The following DSCAM variants were observed in gnomAD, a reference collection of about 807,000 sequenced individuals.
DSCAM encodes the protein DS cell adhesion molecule, also known as cell adhesion molecule DSCAM.
In DSCAM, 47 loss-of-function variants were observed where a neutral mutation model predicts 217.7. The observed-to-expected ratio is 0.22, with a 90% CI of 0.17 to 0.28. The LOEUF (loss-of-function observed/expected upper bound fraction) is 0.28, where lower values mean the gene tolerates loss of function less well. Ranked by LOEUF, DSCAM falls within the 10% of genes least tolerant of loss-of-function variation. The pLI, the probability that DSCAM is intolerant of heterozygous loss-of-function variation, is 1.00. For synonymous variants in DSCAM, 1,056 were observed against 1,015.3 expected, an observed-to-expected ratio of 1.04 and a Z score of -0.76; for missense variants, 2,080 against 2,618.3, an observed-to-expected ratio of 0.79 and a Z score of 4.49.
In DSCAM at chr21:40,408,243, G is replaced by A. The variant is rs182481684; in HGVS notation, c.509-38998C>T. Among the ~76,000 whole-genome samples the A allele has an allele frequency of 2.9e-3, 441 of 152,156 alleles. 1 individual carries two copies. Among genetic ancestry groups the A allele is most frequent in the African/African-American group, 9.6e-3 (399 of 41,512 alleles). The stretch of plus-strand genomic sequence containing the variant: ...AGCATTGACAATTTTCATTGATGAC[G>A]TGGATGATGAGAAAGAAAGAATGGT... On this transcript the variant is annotated intron_variant, in intron 3 of 32. Coordinates refer to ENST00000400454, the MANE Select transcript of DSCAM (RefSeq NM_001389.5).
chr21:40,235,890 AAAG>A (rs1388860857), intron 11 of DSCAM, among the ~76,000 whole-genome samples: 3 of 152,206 alleles, frequency 2.0e-5, no homozygotes, highest in African/African-American at 7.2e-5. Context: ...ACTAAGAAAA[AAAG>A]CTCACTGTTG....
chr21:40,242,022 G>C (rs1245129432), intron 11 of DSCAM, among the ~76,000 whole-genome samples: 1 of 152,078 alleles, frequency 6.6e-6, no homozygotes, highest in East Asian at 1.9e-4. Context: ...AGGAGGGAAA[G>C]GAGCAGAAAA....
intron 3 of DSCAM, among the ~76,000 whole-genome samples, chr21:40,615,991 AAC>A (rs149839230): frequency 9.5e-4 from 143 of 151,124 alleles, no homozygotes; most frequent in African/African-American, 3.1e-3. Flanking sequence ...AATCAAATCA[AAC>A]ACACACACAC....
At chr21:40,125,203 G>A (rs1386601332) in intron 19 of DSCAM, among the ~76,000 whole-genome samples, 2 of 152,164 alleles carry the variant, frequency 1.3e-5, no homozygotes, top group Non-Finnish European at 2.9e-5. Context: ...AGCTAAGAAG[G>A]CAGAACATGG....
intron 1 of DSCAM, among the ~76,000 whole-genome samples, chr21:40,761,089 T>A (rs1431870253): frequency 6.6e-6 from 1 of 152,202 alleles, no homozygotes; most frequent in Non-Finnish European, 1.5e-5. Flanking sequence ...AAAGAGTCAG[T>A]CTGGTATCTG....
At chr21:40,344,141 C>T (rs114791052) in intron 6 of DSCAM, among the ~76,000 whole-genome samples, 2,131 of 152,234 alleles carry the variant, frequency 0.014, 50 homozygotes, top group African/African-American at 0.049. Context: ...TCGAGTGAGC[C>T]GCCTGTCTCG....
intron 3 of DSCAM, among the ~76,000 whole-genome samples, chr21:40,546,166 T>C (rs1055523302): frequency 6.6e-6 from 1 of 152,206 alleles, no homozygotes; most frequent in African/African-American, 2.4e-5. Flanking sequence ...AGGGTTAAGG[T>C]GTAGAGAAGT....
chr21:40,573,262 C>T (rs1198168021), intron 3 of DSCAM, among the ~76,000 whole-genome samples: 2 of 151,956 alleles, frequency 1.3e-5, no homozygotes, highest in African/African-American at 2.4e-5. Context: ...GGCGTGAACC[C>T]GGGAGGTGGA....
chr21:40,157,697 CTTTTTT>C (rs3069725), intron 16 of DSCAM, among the ~76,000 whole-genome samples: 18 of 146,760 alleles, frequency 1.2e-4, no homozygotes, highest in Admixed American at 4.7e-4. Flanking sequence ...TTTCTTTTTT[CTTTTTT>C]TTTTTTTTCC....
chr21:40,382,377 T>C (rs2075035194), intron 3 of DSCAM, among the ~76,000 whole-genome samples: 2 of 152,176 alleles, frequency 1.3e-5, no homozygotes, highest in African/African-American at 2.4e-5. Flanking sequence ...ATCATTTCCT[T>C]GGACATGACA....
chr21:40,019,683 T>G lies in DSCAM; in HGVS notation c.5687-6297A>C, dbSNP rs375924175. 1.1e-4 allele frequency among the ~76,000 whole-genome samples: 16 copies of G among 152,168 alleles called. No individual in the cohort carries two copies. In the East Asian group the frequency reaches 1.7e-3, roughly 16 times the overall value. On this transcript the variant is annotated intron_variant, in intron 32 of 32. Coordinates refer to ENST00000400454, the MANE Select transcript of DSCAM (RefSeq NM_001389.5). Reference sequence around the variant, plus strand: ...GCTTTGAACTCCAGGGTCACCATATTGGGTCACCATGTCATGGGTACTCAC... The same window carrying G: ...GCTTTGAACTCCAGGGTCACCATATGGGGTCACCATGTCATGGGTACTCAC...
At chr21:40,498,779 GTGTATATATATATATA>G (rs2076148011) in intron 3 of DSCAM, among the ~76,000 whole-genome samples, 1 of 70,128 alleles carries the variant, frequency 1.4e-5, no homozygotes, top group Non-Finnish European at 2.9e-5. Context: ...ATATATGGGT[GTGTATATATATATATA>G]TATATATATA....
chr21:40,319,991 T>C (rs1371476656), intron 8 of DSCAM, among the ~76,000 whole-genome samples: 1 of 151,774 alleles, frequency 6.6e-6, no homozygotes, highest in Non-Finnish European at 1.5e-5. Context: ...TAAGCGGGAG[T>C]TGAACAATGA....
chr21:40,350,696 A>T (rs907309406), intron 5 of DSCAM, among the ~76,000 whole-genome samples: 1 of 151,982 alleles, frequency 6.6e-6, no homozygotes, highest in Non-Finnish European at 1.5e-5. Flanking sequence ...TAGAACTGAG[A>T]TCAGTCAGAA....
At chr21:40,719,822 T>G (rs1403019898) in intron 1 of DSCAM, among the ~76,000 whole-genome samples, 1 of 152,184 alleles carries the variant, frequency 6.6e-6, no homozygotes, top group Non-Finnish European at 1.5e-5. Context: ...GAAAGGGCCA[T>G]GAGGTGGCAT....
chr21:40,770,803 CAG>C (rs1313557592), intron 1 of DSCAM, among the ~76,000 whole-genome samples: 1 of 152,178 alleles, frequency 6.6e-6, no homozygotes, highest in East Asian at 1.9e-4. Context: ...GTAAGAAGAA[CAG>C]AGCTTCAAAG....
intron 3 of DSCAM, among the ~76,000 whole-genome samples, chr21:40,447,894 T>A (rs964923783): frequency 1.3e-5 from 2 of 152,242 alleles, no homozygotes; most frequent in Non-Finnish European, 2.9e-5. Context: ...TCTATTTTTA[T>A]GTGATTGCTC....
intron 11 of DSCAM, among the ~76,000 whole-genome samples, chr21:40,251,012 GC>G (rs138066559): frequency 9.8e-4 from 149 of 152,300 alleles, no homozygotes; most frequent in African/African-American, 3.3e-3. Context: ...GGGAGTGGAG[GC>G]CTTTTTGCAG....
At chr21:40,298,513 G>C (rs2837556) in intron 9 of DSCAM, among the ~76,000 whole-genome samples, 26,112 of 152,078 alleles carry the variant, frequency 0.17, 4,029 homozygotes, top group African/African-American at 0.4. Flanking sequence ...GAGACAAAAT[G>C]TATTTAAGAA....
Sources: allele counts gnomAD v4.1 joint callset (sites outside exome capture counted in the v4.1 genomes callset), GRCh38; gene constraint gnomAD v4.1.1; transcripts MANE v1.5; gene names NCBI Gene and HGNC (gene_info 2026-07-23, HGNC 2026-07-21).